The following ICA1L variants were observed in gnomAD, a reference collection of about 807,000 sequenced individuals.
The protein encoded by ICA1L is islet cell autoantigen 1 like, also known as islet cell autoantigen 1-like protein.
ICA1L carries 50 observed loss-of-function variants against 61.3 expected under a neutral mutation model. The observed-to-expected ratio is 0.82, with a 90% CI of 0.65 to 1.03. The LOEUF is 1.03. Ranked by LOEUF, ICA1L falls within the 50% of genes least tolerant of loss-of-function variation. The pLI is 0.00. For missense variants in ICA1L, 508 were observed against 556.7 expected (o/e 0.91, Z 0.88); for synonymous variants, 161 against 191.3 (o/e 0.84, Z 1.31).
At chr2:202,837,779 TTC>T (rs1367584124) in intron 1 of ICA1L, among the ~76,000 whole-genome samples, 2 of 152,150 alleles carry the variant, frequency 1.3e-5, no homozygotes, top group Non-Finnish European at 2.9e-5. Context: ...TGCTATAAAC[TTC>T]TCTCTTCGAA....
At position 202,807,883 on chromosome 2, in the gene ICA1L, A is replaced by G. The variant is rs201387469; in HGVS notation, c.910+3863T>C. ...CATACCCAGGGCCAGAAGGGAATGC[A>G]CTGCCCTAAAGGGAAGGACCCAGTC... On this transcript the variant is annotated intron_variant, in intron 9 of 12. Transcript: ENST00000358299. 1.3e-4 allele frequency among the ~76,000 whole-genome samples: 20 copies of G among 152,232 alleles called. No homozygotes were observed. The East Asian group carries it at 3.1e-3, about 24-fold the overall frequency.
chr2:202,857,238 A>G (rs1389079453), intron 1 of ICA1L, among the ~76,000 whole-genome samples: 1 of 152,204 alleles, frequency 6.6e-6, no homozygotes, highest in Non-Finnish European at 1.5e-5. Context: ...ACTATACTAC[A>G]AGTCTACAGT....
At chr2:202,834,868 T>C (rs1463873197) in intron 1 of ICA1L, among the ~76,000 whole-genome samples, 2 of 152,122 alleles carry the variant, frequency 1.3e-5, no homozygotes, top group Non-Finnish European at 2.9e-5. Flanking sequence ...TCTCACTCTG[T>C]TGCCTGGGTT....
intron 1 of ICA1L, chr2:202,869,463 T>C (rs187831104): frequency 6.6e-6 from 1 of 152,186 alleles, no homozygotes; most frequent in East Asian, 1.9e-4. Flanking sequence ...TAAAAACACA[T>C]GCAATAATAG....
intron 1 of ICA1L, among the ~76,000 whole-genome samples, chr2:202,846,048 A>T (rs576674521): frequency 1.3e-5 from 2 of 152,282 alleles, no homozygotes; most frequent in African/African-American, 2.4e-5. Flanking sequence ...GAAGGGGGGA[A>T]CTGGTAGGAA....
intron 11 of ICA1L, 100 bp from the exon 12 acceptor site, chr2:202,786,107 T>C (rs972647873): frequency 1.5e-6 from 1 of 686,884 alleles, no homozygotes; most frequent in South Asian, 1.8e-5. Flanking sequence ...CCAGTCTTTG[T>C]ATCTGGGTAA....
intron 1 of ICA1L, among the ~76,000 whole-genome samples, chr2:202,865,864 T>C (rs968482064): frequency 5.3e-5 from 8 of 152,164 alleles, no homozygotes; most frequent in Admixed American, 4.6e-4. Context: ...TGGCCTCAAG[T>C]GATTCCCCTC....
chr2:202,799,935 T>C (rs1232821547), intron 9 of ICA1L, among the ~76,000 whole-genome samples: 1 of 151,458 alleles, frequency 6.6e-6, no homozygotes, highest in Non-Finnish European at 1.5e-5. Flanking sequence ...TGGAGTGCAG[T>C]GGCACGATCT....
intron 5 of ICA1L, among the ~76,000 whole-genome samples, chr2:202,818,547 C>CATCTTGA (rs1326637526): frequency 5.9e-5 from 9 of 152,284 alleles, no homozygotes; most frequent in Admixed American, 5.9e-4. Flanking sequence ...GCCCAAATCT[C>CATCTTGA]ATCTTGAATT....
At chr2:202,827,982 T>C (rs1314912432) in intron 2 of ICA1L, among the ~76,000 whole-genome samples, 1 of 152,182 alleles carries the variant, frequency 6.6e-6, no homozygotes, top group African/African-American at 2.4e-5. Context: ...TTAATTAGTA[T>C]ATATATGCTG....
At chr2:202,867,348 ATACAAACCTAGATGTTATAAG>A (rs1420697312) in intron 1 of ICA1L, among the ~76,000 whole-genome samples, 11 of 152,214 alleles carry the variant, frequency 7.2e-5, no homozygotes, top group African/African-American at 2.7e-4. Context: ...GAATGTACTT[ATACAAACCTAGATGTTATAAG>A]CCTACCACAT....
At chr2:202,852,686 A>AG (rs1174234670) in intron 1 of ICA1L, among the ~76,000 whole-genome samples, 3 of 141,054 alleles carry the variant, frequency 2.1e-5, no homozygotes, top group East Asian at 4.0e-4. Context: ...AAAAAAAAAA[A>AG]AAAAAAAAAA....
rs183979857 is a variant in ICA1L, at chr2:202,858,327, T to C, written c.-8+13292A>G. ...TGAGTTCATGTCCTTTGCAGGGACA[T>C]GGATGAAGCTGGAAACCATCATTGT... is the stretch of plus-strand genomic sequence containing the variant. On this transcript the variant is annotated intron_variant, in intron 1 of 12. Coordinates refer to ENST00000358299, the MANE Select transcript of ICA1L (RefSeq NM_001288622.3). 2.3e-3 allele frequency among the ~76,000 whole-genome samples: 343 copies of C among 152,304 alleles called. 1 individual carries two copies. Among genetic ancestry groups the C allele is most frequent in the Non-Finnish European group, 4.3e-3 (292 of 68,020 alleles).
intron 11 of ICA1L, among the ~76,000 whole-genome samples, chr2:202,786,478 A>G (rs368863059): frequency 0.091 from 13,865 of 151,994 alleles, 754 homozygotes; most frequent in Non-Finnish European, 0.13. Context: ...GAACCCGGGA[A>G]GCGGAGCTTG....
chr2:202,821,615 T>C (rs1693704415), intron 3 of ICA1L, 134 bp from the exon 4 acceptor site: 1 of 605,734 alleles, frequency 1.7e-6, no homozygotes. Flanking sequence ...AGACTTATTT[T>C]TTAAATGCAA....
Position 202,828,987 on chromosome 2 carries a change from C to A in ICA1L, c.23G>T (p.Arg8Ile). MDSFGQPRPEDNQSVVRR... is the reference protein window; with the variant it reads MDSFGQPIPEDNQSVVRR... Reference sequence around the variant, plus strand: ...GACTACTGACTGATTATCTTCTGGTCTGGGTTGCCCAAAGGAATCCATGGA... The same window carrying A: ...GACTACTGACTGATTATCTTCTGGTATGGGTTGCCCAAAGGAATCCATGGA... Residue 8 changes from arginine (R) to isoleucine (I), a missense_variant, in exon 2 of 13, where the codon AGA becomes ATA. By Grantham distance (97) the Arg-to-Ile change is moderately conservative. Transcript: ENST00000358299. The A allele has an allele frequency of 1.9e-6, 3 of 1,588,744 alleles. No homozygotes were observed. Among genetic ancestry groups the A allele is most frequent in the Non-Finnish European group, 2.6e-6 (3 of 1,170,404 alleles).
chr2:202,850,683 A>T (rs1049580690), intron 1 of ICA1L, among the ~76,000 whole-genome samples: 4 of 152,224 alleles, frequency 2.6e-5, no homozygotes, highest in Non-Finnish European at 5.9e-5. Context: ...TGAAAGTGAC[A>T]GGGAGAATGG....
rs1692325705 is a variant in ICA1L at position 202,779,459 on chromosome 2, T to C, written c.*74A>G. The C allele has an allele frequency of 3.3e-6, 3 of 907,030 alleles. No individual in the cohort carries two copies. The highest frequency in any genetic ancestry group is 3.3e-5 in the African/African-American group (2 of 60,628). 56.2% of individuals were successfully genotyped at this position (907,030 alleles called of 1,614,324 possible). ...GTGCTTTTGTGTGCGGGTTACAATC[T>C]AAATCCTTTCCACGAAGGAAATACG... On this transcript the variant is annotated 3_prime_UTR_variant, in exon 13 of 13. Transcript: ENST00000358299.
Position 202,810,710 on chromosome 2 carries a change from A to G in ICA1L, c.910+1036T>C, listed in dbSNP as rs1245343663. Among the ~76,000 whole-genome samples, 3 of 152,332 alleles carry G rather than the reference A, an allele frequency of 2.0e-5. No homozygotes were observed. In the East Asian group the frequency reaches 5.8e-4, roughly 29 times the overall value. ...AACAGAGCCATATTTCTCTTCTTTC[A>G]AAAGCAAATAGGAGAAATATCGCTG... is the stretch of plus-strand genomic sequence containing the variant. On this transcript the variant is annotated intron_variant, in intron 9 of 12. Transcript: ENST00000358299.
Sources: allele counts gnomAD v4.1 joint callset (sites outside exome capture counted in the v4.1 genomes callset), GRCh38; gene constraint gnomAD v4.1.1; transcripts MANE v1.5; gene names NCBI Gene and HGNC (gene_info 2026-07-23, HGNC 2026-07-21).